The following TP53I13 variants were observed in gnomAD, a reference collection of about 807,000 sequenced individuals.
The protein encoded by TP53I13 is tumor protein p53-inducible protein 13.
Under a neutral mutation model 39.1 loss-of-function variants are expected in TP53I13, and 27 were observed. The ratio of observed to expected loss-of-function variants is 0.69; its 90% CI spans 0.51 to 0.95. The LOEUF (loss-of-function observed/expected upper bound fraction) is 0.95, where lower values mean the gene tolerates loss of function less well. Ranked by LOEUF, TP53I13 falls within the 40% of genes least tolerant of loss-of-function variation. The pLI is 0.00. For missense variants in TP53I13, 544 were observed against 520.4 expected (o/e 1.05, Z -0.44); for synonymous variants, 230 against 224.6 (o/e 1.02, Z -0.22).
intron 2 of TP53I13, 48 bp from the exon 3 acceptor site, chr17:29,569,270 C>T (rs1201507244): frequency 6.2e-7 from 1 of 1,601,616 alleles, no homozygotes. Flanking sequence ...ACCACACACA[C>T]ACGGAGTCCC....
the TP53I13 span, chr17:29,581,806 C>T: frequency 6.2e-7 from 1 of 1,612,664 alleles, no homozygotes; most frequent in Non-Finnish European, 8.5e-7. The surrounding 1 kb of genome is among the most constrained non-coding windows in gnomAD (Gnocchi z 4.8). Context: ...ACTCAACCAG[C>T]CTTTCCGCCA....
the TP53I13 span, chr17:29,581,830 C>A: frequency 6.2e-7 from 1 of 1,612,602 alleles, no homozygotes. This position sits in a 1 kb window ranked among gnomAD's most constrained non-coding sequence, Gnocchi z 4.8. Flanking sequence ...CATGGTGCCC[C>A]GCCTGCCTGT....
chr17:29,574,291 A>ACCC, downstream of TP53I13: 1 of 224,838 alleles, frequency 4.4e-6, no homozygotes, highest in South Asian at 6.4e-5. Flanking sequence ...AAAGGAGGGG[A>ACCC]TGCCCCCGCT....
chr17:29,567,694 C>T (rs1400414823), upstream of TP53I13, among the ~76,000 whole-genome samples: 1 of 152,142 alleles, frequency 6.6e-6, no homozygotes, highest in African/African-American at 2.4e-5. This position sits in a 1 kb window ranked among gnomAD's most constrained non-coding sequence, Gnocchi z 6.6. Context: ...ATCCTCAGCC[C>T]GGGAGTGGCT....
chr17:29,581,912 T>C, the TP53I13 span: 1 of 1,611,736 alleles, frequency 6.2e-7, no homozygotes, highest in Non-Finnish European at 8.5e-7. The surrounding 1 kb of genome is among the most constrained non-coding windows in gnomAD (Gnocchi z 4.8). Flanking sequence ...ACTGCACCCT[T>C]CAGCCGACCC....
At chr17:29,566,546 C>T, upstream of TP53I13, 1 of 1,610,270 alleles carries the variant, frequency 6.2e-7, no homozygotes, top group Non-Finnish European at 8.5e-7. Context: ...CAAGGTCCTA[C>T]CACCCAGTCC....
chr17:29,572,092 G>C (rs201515753), intron 5 of TP53I13, 35 bp downstream of exon 5: 1 of 1,611,702 alleles, frequency 6.2e-7, no homozygotes, highest in African/African-American at 1.3e-5. Context: ...GTTGGCCCTC[G>C]GGTTCTCTGA....
chr17:29,575,185 G>A (rs1416545677), downstream of TP53I13: 76 of 1,567,172 alleles, frequency 4.8e-5, no homozygotes, highest in Non-Finnish European at 6.1e-5. The surrounding 1 kb of genome is among the most constrained non-coding windows in gnomAD (Gnocchi z 5.5). Flanking sequence ...GCTCTCAAGG[G>A]AGGTTCCCAG....
Position 29,568,791 on chromosome 17 carries a change from T to C in TP53I13, c.33T>C (p.Leu11=). 1 of 1,597,818 alleles carries C rather than the reference T, an allele frequency of 6.3e-7. No homozygotes were observed. The highest frequency in any genetic ancestry group is 8.5e-7 in the Non-Finnish European group (1 of 1,179,006). The change falls in exon 1 of 7, where the codon CTT becomes CTC. Residue 11 remains leucine, a synonymous_variant. Coordinates refer to ENST00000301057, the MANE Select transcript of TP53I13 (RefSeq NM_138349.4). This position sits in a 1 kb window ranked among gnomAD's most constrained non-coding sequence, Gnocchi z 4.5. ...CTCCTCCGCCTTCGCCCCAACTGCTTCTCCTGGCAGCCCTCGCGAGGCTCC... is the reference window on the plus strand; with the variant it reads ...CTCCTCCGCCTTCGCCCCAACTGCTCCTCCTGGCAGCCCTCGCGAGGCTCC... The part of the protein sequence containing the change: MAPPPPSPQL[L]LLAALARLLG...
the TP53I13 span, among the ~76,000 whole-genome samples, chr17:29,580,097 A>G: frequency 6.6e-6 from 1 of 152,092 alleles, no homozygotes; most frequent in Non-Finnish European, 1.5e-5. Flanking sequence ...CTCCCCCATG[A>G]GGACTAGAAT....
chr17:29,575,947 C>A (rs201348527), downstream of TP53I13: 466 of 1,547,958 alleles, frequency 3.0e-4, 4 homozygotes, highest in African/African-American at 5.7e-3. This position sits in a 1 kb window ranked among gnomAD's most constrained non-coding sequence, Gnocchi z 5.5. Flanking sequence ...CCACTGCCCC[C>A]CTGCTCACCA....
the TP53I13 span, among the ~76,000 whole-genome samples, chr17:29,580,685 A>C: frequency 6.6e-6 from 1 of 152,304 alleles, no homozygotes; most frequent in East Asian, 1.9e-4. Context: ...AGCGAAGAGC[A>C]GAGGCTTCTC....
At chr17:29,572,784 C>T (rs1161278910) in intron 6 of TP53I13, 28 bp from the exon 7 acceptor site, 1 of 1,532,020 alleles carries the variant, frequency 6.5e-7, no homozygotes, top group Admixed American at 2.0e-5. Flanking sequence ...GCCCTCCCGC[C>T]CTTGACTGCT....
At chr17:29,579,921 G>C in the TP53I13 span, among the ~76,000 whole-genome samples, 1 of 152,104 alleles carries the variant, frequency 6.6e-6, no homozygotes, top group Admixed American at 6.5e-5. Context: ...CTCTCGGGAT[G>C]GTCACTGCTC....
rs948219232 is a variant in TP53I13, at chr17:29,568,893, C to T, written c.72+63C>T. 3.8e-6 allele frequency: 6 copies of T among 1,598,522 alleles called. No homozygotes were observed. Among genetic ancestry groups the T allele is most frequent in the Admixed American group, 1.7e-5 (1 of 59,752 alleles). The stretch of plus-strand genomic sequence containing the variant: ...AGCTCAAAGCGCTTTGCCAAAAGTT[C>T]GTCCTGGAAGGAGTGGCGCGCCGAG... On this transcript the variant is annotated intron_variant, in intron 1 of 6. Transcript: ENST00000301057. This position sits in a 1 kb window ranked among gnomAD's most constrained non-coding sequence, Gnocchi z 4.5.
the TP53I13 span, chr17:29,578,970 C>A: frequency 6.2e-7 from 1 of 1,613,946 alleles, no homozygotes; most frequent in Non-Finnish European, 8.5e-7. Context: ...ACCTCTGAGA[C>A]ATGCACTTTT....
upstream of TP53I13, among the ~76,000 whole-genome samples, chr17:29,567,680 G>A (rs1018217642): frequency 2.0e-5 from 3 of 152,130 alleles, no homozygotes; most frequent in Non-Finnish European, 2.9e-5. The surrounding 1 kb of genome is among the most constrained non-coding windows in gnomAD (Gnocchi z 6.6). Flanking sequence ...TCCACATCAA[G>A]GAAATCCTCA....
chr17:29,576,356 G>T, downstream of TP53I13: 1 of 1,613,442 alleles, frequency 6.2e-7, no homozygotes, highest in Non-Finnish European at 8.5e-7. Flanking sequence ...TGGCGCCATG[G>T]GTGTGTGTTC....
At chr17:29,574,936 C>A, downstream of TP53I13, 2 of 1,539,730 alleles carry the variant, frequency 1.3e-6, no homozygotes, top group Non-Finnish European at 1.8e-6. Flanking sequence ...AGGAGTGAGG[C>A]TGGACCTTGG....
Sources: gnomAD v4.1 joint callset for allele counts (sites outside exome capture counted in the v4.1 genomes callset) on GRCh38, gnomAD v4.1.1 for gene constraint, Gnocchi (gnomAD v3.1) non-coding constraint, MANE v1.5 for transcripts, NCBI Gene and HGNC (gene_info 2026-07-23, HGNC 2026-07-21) for gene names.